The following COL22A1 variants were observed in gnomAD, a reference collection of about 807,000 sequenced individuals.
The protein encoded by COL22A1 is collagen type XXII alpha 1 chain.
In COL22A1, 221 loss-of-function variants were observed where a neutral mutation model predicts 248.9. The observed-to-expected ratio is 0.89, with a 90% confidence interval of 0.80 to 0.99. COL22A1 has a LOEUF of 0.99. Ranked by LOEUF, COL22A1 falls within the 50% of genes least tolerant of loss-of-function variation. The pLI is 0.00. For synonymous variants in COL22A1, 891 were observed against 793.4 expected, an observed-to-expected ratio of 1.12 and a Z score of -2.07; for missense variants, 2,240 against 2,179.0, an observed-to-expected ratio of 1.03 and a Z score of -0.56.
chr8:138,845,279 G>T (rs536483570), intron 3 of COL22A1, among the ~76,000 whole-genome samples: 2 of 131,022 alleles, frequency 1.5e-5, no homozygotes, highest in African/African-American at 5.4e-5. Flanking sequence ...GGCCAAGACG[G>T]GGGGGGATCA....
chr8:138,698,046 A>G (rs914658062), intron 32 of COL22A1, among the ~76,000 whole-genome samples: 4 of 152,202 alleles, frequency 2.6e-5, no homozygotes, highest in Admixed American at 6.5e-5. Flanking sequence ...TTCCCAGTGG[A>G]ATGCTCTGGA....
chr8:138,869,726 C>A (rs531716819), intron 3 of COL22A1, among the ~76,000 whole-genome samples: 1 of 152,306 alleles, frequency 6.6e-6, no homozygotes, highest in East Asian at 1.9e-4. Flanking sequence ...CCTAATAAGC[C>A]TCCCAAGAGG....
At chr8:138,663,804 G>A in intron 41 of COL22A1, 64 bp from the exon 42 acceptor site, 1 of 1,293,042 alleles carries the variant, frequency 7.7e-7, no homozygotes. Flanking sequence ...AACAAGCTAT[G>A]GTGTTTATTC....
chr8:138,902,739 T>TAC (rs35023865), intron 1 of COL22A1, among the ~76,000 whole-genome samples: 3,299 of 93,764 alleles, frequency 0.035, 116 homozygotes, highest in African/African-American at 0.068. Flanking sequence ...TATATATATA[T>TAC]ACACACACAC....
Position 138,668,190 on chromosome 8 carries a change from T to C in COL22A1, c.3151-4450A>G, listed in dbSNP as rs756771310. ...ATTGTGGTTCTGTTTTTTAAAATTC[T>C]TATCTTTTAGAAACATATACTGAAA... On this transcript the variant is annotated intron_variant, in intron 41 of 64. Coordinates refer to ENST00000303045, the MANE Select transcript of COL22A1 (RefSeq NM_152888.3). Among the ~76,000 whole-genome samples the C allele has an allele frequency of 1.2e-3, 176 of 152,322 alleles. 1 individual carries two copies. Among genetic ancestry groups the C allele is most frequent in the Non-Finnish European group, 5.4e-4 (37 of 68,022 alleles).
rs781665665 is a variant in COL22A1, at chr8:138,623,804, T to C, written c.3718-19A>G. The C allele has an allele frequency of 6.2e-7, 1 of 1,609,940 alleles. No homozygotes were observed. The highest frequency in any genetic ancestry group is 8.5e-7 in the Non-Finnish European group (1 of 1,178,326). Reference sequence around the variant, plus strand: ...CTTCTCCCTGCAAGAGAAACTCAAATTGGTTATCAGGTCAAAGAAGATTCG... The same window carrying C: ...CTTCTCCCTGCAAGAGAAACTCAAACTGGTTATCAGGTCAAAGAAGATTCG... On this transcript the variant is annotated intron_variant, in intron 51 of 64. Coordinates refer to ENST00000303045, the MANE Select transcript of COL22A1 (RefSeq NM_152888.3).
At chr8:138,646,248 C>A (rs1822193577) in intron 47 of COL22A1, among the ~76,000 whole-genome samples, 1 of 152,170 alleles carries the variant, frequency 6.6e-6, no homozygotes, top group Non-Finnish European at 1.5e-5. Context: ...AACTGAGTGC[C>A]ACATCCTTTT....
chr8:138,734,173 G>A (rs1830931238), intron 23 of COL22A1, among the ~76,000 whole-genome samples: 1 of 152,176 alleles, frequency 6.6e-6, no homozygotes, highest in African/African-American at 2.4e-5. Context: ...GAAACTGTGA[G>A]GAGCAAAACT....
At chr8:138,676,439 A>AAGAAAGAAAGAAAGAAAGAAAG (rs1825533409) in intron 41 of COL22A1, 119 bp downstream of exon 41, 2 of 531,220 alleles carry the variant, frequency 3.8e-6, no homozygotes, top group African/African-American at 3.9e-5. Context: ...GAAAGAAAGA[A>AAGAAAGAAAGAAAGAAAGAAAG]AGAAAGAAAG....
intron 23 of COL22A1, among the ~76,000 whole-genome samples, chr8:138,729,411 C>T (rs1830549933): frequency 6.6e-6 from 1 of 152,150 alleles, no homozygotes; most frequent in African/African-American, 2.4e-5. Context: ...GGTAAGACCA[C>T]AGCAACTGGT....
chr8:138,660,289 C>T, intron 44 of COL22A1, 147 bp downstream of exon 44: 1 of 665,868 alleles, frequency 1.5e-6, no homozygotes, highest in South Asian at 1.8e-5. Context: ...CTCTGAGTCT[C>T]ACAACATCCC....
At chr8:138,882,194 G>A (rs1428946525) in intron 2 of COL22A1, among the ~76,000 whole-genome samples, 1 of 151,978 alleles carries the variant, frequency 6.6e-6, no homozygotes, top group East Asian at 1.9e-4. Flanking sequence ...GGATGTGACT[G>A]ACCAAGACGT....
At chr8:138,863,259 G>GCC (rs1194530551) in intron 3 of COL22A1, among the ~76,000 whole-genome samples, 3 of 152,128 alleles carry the variant, frequency 2.0e-5, no homozygotes, top group Non-Finnish European at 2.9e-5. Flanking sequence ...CTCAGCCCAG[G>GCC]CCCTGTTGCC....
chr8:138,724,878 G>A (rs1035899699), intron 24 of COL22A1, among the ~76,000 whole-genome samples: 2 of 152,142 alleles, frequency 1.3e-5, no homozygotes, highest in South Asian at 2.1e-4. Flanking sequence ...CAGTCGGGGC[G>A]TCCTTCCTAT....
chr8:138,862,213 G>A (rs1213707322), intron 3 of COL22A1, among the ~76,000 whole-genome samples: 1 of 151,996 alleles, frequency 6.6e-6, no homozygotes. Context: ...GCGAGACTCT[G>A]TCTCAAAATG....
intron 41 of COL22A1, among the ~76,000 whole-genome samples, chr8:138,673,358 C>T (rs996185434): frequency 7.2e-5 from 11 of 152,062 alleles, no homozygotes; most frequent in Non-Finnish European, 8.8e-5. Flanking sequence ...TACAGGCATG[C>T]GCCACCATGC....
At chr8:138,853,121 G>A in intron 3 of COL22A1, among the ~76,000 whole-genome samples, 1 of 152,192 alleles carries the variant, frequency 6.6e-6, no homozygotes, top group Non-Finnish European at 1.5e-5. Context: ...GCTACAGTGA[G>A]CAGAGATCAC....
chr8:138,778,495 G>T (rs1277424512), intron 14 of COL22A1, 89 bp from the exon 15 acceptor site: 12 of 1,200,740 alleles, frequency 1.0e-5, no homozygotes, highest in Non-Finnish European at 1.4e-5. Context: ...CACGTTTGGT[G>T]ACAAGAGCTG....
intron 12 of COL22A1, among the ~76,000 whole-genome samples, chr8:138,794,329 G>A (rs1425671564): frequency 6.6e-6 from 1 of 151,804 alleles, no homozygotes; most frequent in Non-Finnish European, 1.5e-5. Context: ...AGAGGTTGCA[G>A]TGAACCAAGA....
Sources: gnomAD v4.1 joint callset for allele counts (sites outside exome capture counted in the v4.1 genomes callset) on GRCh38, gnomAD v4.1.1 for gene constraint, MANE v1.5 for transcripts, NCBI Gene and HGNC (gene_info 2026-07-23, HGNC 2026-07-21) for gene names.